Variants in CCDC148 observed in about 807,000 individuals in gnomAD.
CCDC148 encodes coiled-coil domain containing 148, also known as coiled-coil domain-containing protein 148.
In CCDC148, 89 loss-of-function variants were observed where a neutral mutation model predicts 85.7. The observed-to-expected ratio is 1.04, with a 90% CI of 0.87 to 1.24. The LOEUF is 1.24. Ranked by LOEUF, CCDC148 falls within the 50% of genes most tolerant of loss-of-function variation. The pLI is 0.00. For synonymous variants in CCDC148, 230 were observed against 213.9 expected, an observed-to-expected ratio of 1.08 and a Z score of -0.66; for missense variants, 692 against 671.7, an observed-to-expected ratio of 1.03 and a Z score of -0.33.
intron 1 of CCDC148, among the ~76,000 whole-genome samples, chr2:158,396,394 G>C (rs1685524509): frequency 6.6e-6 from 1 of 152,028 alleles, no homozygotes; most frequent in African/African-American, 2.4e-5. Context: ...CCAACACTGA[G>C]GAAGAATGTC....
intron 9 of CCDC148, among the ~76,000 whole-genome samples, chr2:158,292,406 C>G (rs1690938075): frequency 6.6e-6 from 1 of 152,172 alleles, no homozygotes; most frequent in South Asian, 2.1e-4. Flanking sequence ...TTTCCTTCAA[C>G]AACTAATATA....
intron 10 of CCDC148, among the ~76,000 whole-genome samples, chr2:158,224,781 C>T (rs1354485153): frequency 6.6e-6 from 1 of 152,100 alleles, no homozygotes; most frequent in Non-Finnish European, 1.5e-5. Context: ...CCAGGCCTGC[C>T]CTAAAAGAGC....
Position 158,179,371 on chromosome 2 carries a change from A to C in CCDC148, c.1371-375T>G, listed in dbSNP as rs561902161. The stretch of plus-strand genomic sequence containing the variant: ...ACGGAGTTTCACCATGTTGGCCAGG[A>C]TGGTCTCAATCTCCTGACCTCGTGA... On this transcript the variant is annotated intron_variant, in intron 11 of 13. Transcript: ENST00000283233. Among the ~76,000 whole-genome samples the C allele has an allele frequency of 5.1e-4, 78 of 151,822 alleles. No individual in the cohort carries two copies. In the South Asian group the frequency reaches 9.0e-3, roughly 17 times the overall value.
At chr2:158,196,080 A>G (rs1176723759) in intron 11 of CCDC148, among the ~76,000 whole-genome samples, 2 of 152,128 alleles carry the variant, frequency 1.3e-5, no homozygotes, top group Non-Finnish European at 2.9e-5. Context: ...TACTAGCTGG[A>G]GGGACTGAGC....
intron 13 of CCDC148, among the ~76,000 whole-genome samples, chr2:158,175,745 C>T (rs369951149): frequency 2.0e-5 from 3 of 152,028 alleles, no homozygotes; most frequent in East Asian, 3.9e-4. Flanking sequence ...GAGACATAAG[C>T]GGATGAATGG....
At chr2:158,340,905 G>A (rs536345737) in intron 3 of CCDC148, among the ~76,000 whole-genome samples, 69 of 152,298 alleles carry the variant, frequency 4.5e-4, no homozygotes, top group African/African-American at 1.6e-3. Flanking sequence ...AGCAGGTCCT[G>A]GCATTGCATG....
chr2:158,270,544 C>T (rs887830907), intron 9 of CCDC148, among the ~76,000 whole-genome samples: 1 of 152,148 alleles, frequency 6.6e-6, no homozygotes, highest in African/African-American at 2.4e-5. Flanking sequence ...ATATAGAGAA[C>T]AATTCATAGG....
intron 9 of CCDC148, among the ~76,000 whole-genome samples, chr2:158,267,326 C>G (rs957131896): frequency 9.9e-5 from 15 of 152,148 alleles, no homozygotes; most frequent in Admixed American, 6.5e-4. Flanking sequence ...CTTGCCTAGA[C>G]TCAGCTCAAG....
chr2:158,250,708 C>A, intron 10 of CCDC148, 64 bp downstream of exon 10: 1 of 1,451,996 alleles, frequency 6.9e-7, no homozygotes, highest in South Asian at 1.5e-5. Flanking sequence ...ACACCAAGAC[C>A]AAAAAGCTCA....
chr2:158,224,540 AG>A (rs2105306130), intron 10 of CCDC148, among the ~76,000 whole-genome samples: 1 of 152,310 alleles, frequency 6.6e-6, no homozygotes, highest in South Asian at 2.1e-4. Context: ...AAAAATGTTA[AG>A]GGCAGCCAGA....
intron 2 of CCDC148, among the ~76,000 whole-genome samples, chr2:158,351,957 C>G (rs1211357271): frequency 1.4e-5 from 2 of 145,518 alleles, no homozygotes; most frequent in African/African-American, 2.7e-5. Flanking sequence ...CACCCCCCAG[C>G]AGGGGCACAC....
rs555064477 is a variant in CCDC148, at chr2:158,227,854, C to A, written c.1252-7141G>T. Among the ~76,000 whole-genome samples, 211 of 152,186 alleles carry A rather than the reference C, an allele frequency of 1.4e-3. 5 individuals are homozygous for A. The highest frequency in any genetic ancestry group is 5.0e-3 in the African/African-American group (206 of 41,546). ...TGTTAGACCTAAAACCATAAAAACC[C>A]TAGAAGAAAACCTAGGCAATACCAT... On this transcript the variant is annotated intron_variant, in intron 10 of 13. Transcript: ENST00000283233.
In CCDC148 at chr2:158,220,784, A is replaced by G. The variant is rs899810921; in HGVS notation, c.1252-71T>C. 1.2e-5 allele frequency: 14 copies of G among 1,172,074 alleles called. No individual in the cohort carries two copies. The African/African-American group carries it at 2.1e-4, about 17-fold the overall frequency. 72.6% of individuals were successfully genotyped at this position (1,172,074 alleles called of 1,614,324 possible). A position where few individuals can be genotyped will look rare whatever the true frequency, so the allele number is the denominator to read the frequency against. ...TAAAAATGAGGGAAAAGCCATAACC[A>G]TATCCACTGGTTCGTATTACAAAAT... On this transcript the variant is annotated intron_variant, in intron 10 of 13. Coordinates refer to ENST00000283233, the MANE Select transcript of CCDC148 (RefSeq NM_138803.4).
intron 1 of CCDC148, among the ~76,000 whole-genome samples, chr2:158,424,496 T>C (rs946573867): frequency 6.6e-6 from 1 of 151,912 alleles, no homozygotes; most frequent in Admixed American, 6.6e-5. Flanking sequence ...ATGTTCTCAC[T>C]CATATGTGGG....
At chr2:158,409,330 A>T (rs1686159603) in intron 1 of CCDC148, among the ~76,000 whole-genome samples, 1 of 152,140 alleles carries the variant, frequency 6.6e-6, no homozygotes, top group Non-Finnish European at 1.5e-5. Context: ...CAGCCAGGAG[A>T]GGGTCTATAT....
intron 1 of CCDC148, among the ~76,000 whole-genome samples, chr2:158,386,942 C>A (rs75781197): frequency 0.017 from 2,583 of 152,210 alleles, 77 homozygotes; most frequent in African/African-American, 0.058. Context: ...CTCTGGCAAG[C>A]AATTCAAACT....
In CCDC148 at chr2:158,313,890, A is replaced by G. The variant is rs36018399; in HGVS notation, c.769T>C (p.Cys257Arg). The change falls in exon 8 of 14, where the codon TGT becomes CGT. Residue 257 changes from cysteine (C) to arginine (R), a missense_variant. Cys to Arg is a radical substitution (Grantham distance 180). Coordinates refer to ENST00000283233, the MANE Select transcript of CCDC148 (RefSeq NM_138803.4). ...CAGTGGTCTTCTTCACTTAGTTGACAGTTTCTAGAAGCAACAAAAATGTCA... is the reference window on the plus strand; with the variant it reads ...CAGTGGTCTTCTTCACTTAGTTGACGGTTTCTAGAAGCAACAAAAATGTCA... The part of the protein sequence containing the change: ...NLQLEDIYRN[C>R]QLSEEDHWIY... The G allele has an allele frequency of 8.3e-5, 133 of 1,609,280 alleles. 1 individual carries two copies. The highest frequency in any genetic ancestry group is 1.5e-4 in the Admixed American group (9 of 59,042).
rs144111057 is a variant in CCDC148, at chr2:158,253,392, A to T, written c.1111-2480T>A. ...ATTCTTAGCTCATGGAGTGACTCAA[A>T]GTACCCCCTGCTTGAAATGCTCTCA... is the stretch of plus-strand genomic sequence containing the variant. On this transcript the variant is annotated intron_variant, in intron 9 of 13. Coordinates refer to ENST00000283233, the MANE Select transcript of CCDC148 (RefSeq NM_138803.4). Among the ~76,000 whole-genome samples the T allele has an allele frequency of 4.5e-3, 677 of 151,762 alleles. 1 individual carries two copies. Among genetic ancestry groups the T allele is most frequent in the Admixed American group, 9.7e-3 (147 of 15,162 alleles).
intron 9 of CCDC148, among the ~76,000 whole-genome samples, chr2:158,302,934 G>A (rs766754387): frequency 5.3e-5 from 8 of 152,136 alleles, no homozygotes; most frequent in Non-Finnish European, 8.8e-5. Flanking sequence ...CAGGTTTCAT[G>A]GGAGCAGGAG....
Sources: allele counts gnomAD v4.1 joint callset (sites outside exome capture counted in the v4.1 genomes callset), GRCh38; gene constraint gnomAD v4.1.1; transcripts MANE v1.5; gene names NCBI Gene and HGNC (gene_info 2026-07-23, HGNC 2026-07-21).